The following TYRO3 variants were observed in gnomAD, a reference collection of about 807,000 sequenced individuals.
TYRO3 encodes the protein tyrosine-protein kinase receptor TYRO3.
TYRO3 carries 38 observed loss-of-function variants against 95.2 expected under a neutral mutation model. The observed-to-expected ratio is 0.40, with a 90% confidence interval of 0.31 to 0.52. TYRO3 has a LOEUF of 0.52. Among genes scored for constraint, TYRO3 ranks in the 20% least tolerant of loss-of-function variants. TYRO3 has a pLI of 0.56. For missense variants in TYRO3, 812 were observed against 1,116.4 expected (o/e 0.73, Z 3.89); for synonymous variants, 367 against 432.9 (o/e 0.85, Z 1.89).
chr15:41,575,001 G>A (rs1566903996), intron 18 of TYRO3, among the ~76,000 whole-genome samples: 2 of 152,250 alleles, frequency 1.3e-5, no homozygotes, highest in East Asian at 1.9e-4. Flanking sequence ...TTACAGGTGT[G>A]AGCCACCACG....
chr15:41,573,308 G>T lies in TYRO3; in HGVS notation c.1986G>T (p.Met662Ile), dbSNP rs769937639. Residue 662 changes from methionine to isoleucine, a missense_variant and splice_region_variant, in exon 17 of 19, where the codon ATG becomes ATT. Coordinates refer to ENST00000263798, the MANE Select transcript of TYRO3 (RefSeq NM_006293.4). Reference protein sequence around the residue: ...IHRDLAARNCMLAEDMTVCVA... With the variant: ...IHRDLAARNCILAEDMTVCVA... ...CTCTCTCCCTCAATGCCCCTTGTAGGCTGGCAGAGGACATGACAGTGTGTG... is the reference window on the plus strand; with the variant it reads ...CTCTCTCCCTCAATGCCCCTTGTAGTCTGGCAGAGGACATGACAGTGTGTG... 1.2e-6 allele frequency: 2 copies of T among 1,614,234 alleles called. No homozygotes were observed. Among genetic ancestry groups the T allele is most frequent in the Non-Finnish European group, 8.5e-7 (1 of 1,180,048 alleles).
chr15:41,576,169 T>A (rs956880158), intron 18 of TYRO3, among the ~76,000 whole-genome samples: 1 of 151,290 alleles, frequency 6.6e-6, no homozygotes, highest in Admixed American at 6.6e-5. Flanking sequence ...TTCCAGATAC[T>A]CAAAAGTTAT....
chr15:41,562,408 C>G, intron 3 of TYRO3, 140 bp from the exon 4 acceptor site: 1 of 710,814 alleles, frequency 1.4e-6, no homozygotes, highest in African/African-American at 1.8e-5. Flanking sequence ...AGCTAGATGC[C>G]TGTTCTGCTG....
At chr15:41,561,431 C>A in intron 2 of TYRO3, 108 bp from the exon 3 acceptor site, 1 of 1,428,698 alleles carries the variant, frequency 7.0e-7, no homozygotes, top group South Asian at 1.3e-5. Context: ...TTTTATTTGG[C>A]TACCTGTGGG....
chr15:41,571,030 G>C lies in TYRO3; in HGVS notation c.1580-8G>C. 1 of 1,613,888 alleles carries C rather than the reference G, an allele frequency of 6.2e-7. No homozygotes were observed. Among genetic ancestry groups the C allele is most frequent in the Non-Finnish European group, 8.5e-7 (1 of 1,179,864 alleles). On this transcript the variant is annotated splice_region_variant and splice_polypyrimidine_tract_variant and intron_variant, in intron 12 of 18. Transcript: ENST00000263798. ...AGGAGACTCTCCCTTACTTGGATTG[G>C]TTCCTAGGAGAGTTTGGTTCAGTGC...
At chr15:41,562,378 G>T in intron 3 of TYRO3, 170 bp from the exon 4 acceptor site, 5 of 414,882 alleles carry the variant, frequency 1.2e-5, no homozygotes, top group Non-Finnish European at 2.0e-5. Flanking sequence ...CTGAAAAAGA[G>T]AAGCACCGCC....
At position 41,576,645 on chromosome 15, in the gene TYRO3, CT is replaced by C. The variant is rs971951671; in HGVS notation, c.2283-1217del. 2.7e-3 allele frequency among the ~76,000 whole-genome samples: 277 copies of C among 101,088 alleles called. 2 individuals are homozygous for C. Among genetic ancestry groups the C allele is most frequent in the African/African-American group, 6.8e-3 (161 of 23,750 alleles). 66.3% of individuals were successfully genotyped at this position (101,088 alleles called of 152,430 possible). On this transcript the variant is annotated intron_variant, in intron 18 of 18. Coordinates refer to ENST00000263798, the MANE Select transcript of TYRO3 (RefSeq NM_006293.4). ...CACCTGGCCTGATTCAGTAGGTTTC[CT>C]TTTTTTTTTTTTTTTTTTTTTTTAA...
Position 41,571,173 on chromosome 15 carries a change from G to A in TYRO3, c.1660+55G>A, listed in dbSNP as rs117803607. The A allele has an allele frequency of 3.4e-3, 5,198 of 1,535,926 alleles. 15 individuals are homozygous for A. The highest frequency in any genetic ancestry group is 4.1e-3 in the Middle Eastern group (24 of 5,894). On this transcript the variant is annotated intron_variant, in intron 13 of 18. Coordinates refer to ENST00000263798, the MANE Select transcript of TYRO3 (RefSeq NM_006293.4). ...CATCACTTGGAAGGGTAAGAGGGGC[G>A]ACTGACCCTGAAGCAGGCTCTGCTT...
intron 15 of TYRO3, 137 bp downstream of exon 15, chr15:41,572,701 TG>T (rs2055812827): frequency 2.6e-6 from 3 of 1,158,898 alleles, no homozygotes; most frequent in Non-Finnish European, 3.6e-6. Context: ...GGTCTGAGTT[TG>T]AATCCTTTTA....
At chr15:41,573,840 T>C in intron 18 of TYRO3, 25 bp downstream of exon 18, 1 of 1,040,830 alleles carries the variant, frequency 9.6e-7, no homozygotes, top group Non-Finnish European at 1.4e-6. Context: ...AAGGGGGCTC[T>C]GGAAGGAAAG....
At chr15:41,569,088 T>G in intron 9 of TYRO3, 66 bp downstream of exon 9, 1 of 1,580,246 alleles carries the variant, frequency 6.3e-7, no homozygotes, top group Non-Finnish European at 8.6e-7. Flanking sequence ...CAACCTAGAC[T>G]GATGGGAGGA....
chr15:41,559,417 G>A (rs1163813058), intron 1 of TYRO3, 36 bp downstream of exon 1: 5 of 243,252 alleles, frequency 2.1e-5, no homozygotes. Context: ...GGAAGCGGGG[G>A]GCTGCGGAGG....
chr15:41,573,251 C>G, intron 16 of TYRO3, 57 bp from the exon 17 acceptor site: 1 of 1,559,984 alleles, frequency 6.4e-7, no homozygotes, highest in Non-Finnish European at 8.8e-7. Context: ...TGTCCTGGCT[C>G]TTGTGGGCCT....
Position 41,573,513 on chromosome 15 carries a change from C to G in TYRO3, c.2145+46C>G, listed in dbSNP as rs141415729. ...AGCTTGGTGGGGACGAGTGTGAGAG[C>G]AGACCTTTAGGATCCTTAAGGGCCT... On this transcript the variant is annotated intron_variant, in intron 17 of 18. Coordinates refer to ENST00000263798, the MANE Select transcript of TYRO3 (RefSeq NM_006293.4). The G allele has an allele frequency of 1.1e-4, 165 of 1,560,498 alleles. No individual in the cohort carries two copies. In the African/African-American group the frequency reaches 2.1e-3, roughly 20 times the overall value.
At position 41,579,332 on chromosome 15, in the gene TYRO3, G is replaced by C. The variant is rs983280114; in HGVS notation, c.*1056G>C. ...AATAGAAATAAAATTGAAGACTAAA[G>C]ACCTAAGGTTTTGTCTCTTTTTTTT... On this transcript the variant is annotated 3_prime_UTR_variant, in exon 19 of 19. Coordinates refer to ENST00000263798, the MANE Select transcript of TYRO3 (RefSeq NM_006293.4). 6.6e-6 allele frequency: 1 copy of C among 151,926 alleles called. No individual in the cohort carries two copies. The highest frequency in any genetic ancestry group is 1.5e-5 in the Non-Finnish European group (1 of 68,010). 9.4% of individuals were successfully genotyped at this position (151,926 alleles called of 1,614,324 possible). A position where few individuals can be genotyped will look rare whatever the true frequency, so the allele number is the denominator to read the frequency against.
At position 41,579,767 on chromosome 15, in the gene TYRO3, T is replaced by C. The variant is rs902104349; in HGVS notation, c.*1491T>C. Reference sequence around the variant, plus strand: ...TGTTAACAGCTGTTATCTTTTTTTTTTTTTTTTTGAGACCGAGTCTCACTC... The same window carrying C: ...TGTTAACAGCTGTTATCTTTTTTTTCTTTTTTTTGAGACCGAGTCTCACTC... On this transcript the variant is annotated 3_prime_UTR_variant, in exon 19 of 19. Transcript: ENST00000263798. 2 of 151,178 alleles carry C rather than the reference T, an allele frequency of 1.3e-5. No individual in the cohort carries two copies. Among genetic ancestry groups the C allele is most frequent in the Non-Finnish European group, 3.0e-5 (2 of 67,632 alleles). 9.4% of individuals were successfully genotyped at this position (151,178 alleles called of 1,614,324 possible).
rs1201868461 is a variant in TYRO3, at chr15:41,579,383, C to CT, written c.*1108dup. ...TTTCTTTTTTTTTGAGACAGTCTCACTGTGTTGCCCAGGCTGGAGTGCATG... is the reference window on the plus strand; with the variant it reads ...TTTCTTTTTTTTTGAGACAGTCTCACTTGTGTTGCCCAGGCTGGAGTGCATG... On this transcript the variant is annotated 3_prime_UTR_variant, in exon 19 of 19. Transcript: ENST00000263798. 6.6e-6 allele frequency: 1 copy of CT among 150,996 alleles called. No individual in the cohort carries two copies. The highest frequency in any genetic ancestry group is 1.5e-5 in the Non-Finnish European group (1 of 67,914). The allele number at this position is 150,996 out of a possible 1,614,324, so 9.4% of individuals were successfully genotyped here.
chr15:41,559,508 C>T (rs1219066153), intron 1 of TYRO3, 127 bp downstream of exon 1: 5 of 269,980 alleles, frequency 1.9e-5, no homozygotes, highest in Non-Finnish European at 3.4e-5. Flanking sequence ...GGCCGAGGCT[C>T]GGAGCCGGGA....
rs2055907172 is a variant in TYRO3, at chr15:41,580,094, T to G, written c.*1818T>G. ...TTTAAATGATGGGGTTAAGGGGACG[T>G]TCTTCTTTGTGCTTTCCAAGTTTTC... On this transcript the variant is annotated 3_prime_UTR_variant, in exon 19 of 19. Coordinates refer to ENST00000263798, the MANE Select transcript of TYRO3 (RefSeq NM_006293.4). 6.6e-6 allele frequency: 1 copy of G among 151,180 alleles called. No homozygotes were observed. Among genetic ancestry groups the G allele is most frequent in the African/African-American group, 2.4e-5 (1 of 41,226 alleles). 9.4% of individuals were successfully genotyped at this position (151,180 alleles called of 1,614,324 possible).
Sources: allele counts gnomAD v4.1 joint callset (sites outside exome capture counted in the v4.1 genomes callset), GRCh38; gene constraint gnomAD v4.1.1; transcripts MANE v1.5; gene names NCBI Gene and HGNC (gene_info 2026-07-23, HGNC 2026-07-21).